PTPDC1: variants seen among roughly 807,000 people sequenced by gnomAD.
PTPDC1 encodes the protein protein tyrosine phosphatase domain containing 1.
Under a neutral mutation model 75.3 loss-of-function variants are expected in PTPDC1, and 53 were observed. The observed-to-expected ratio is 0.70, with a 90% CI of 0.56 to 0.88. PTPDC1 has a LOEUF of 0.88. Among genes scored for constraint, PTPDC1 ranks in the 40% least tolerant of loss-of-function variants. PTPDC1 has a pLI of 0.00. For synonymous variants in PTPDC1, 349 were observed against 366.2 expected (o/e 0.95, Z 0.54); for missense variants, 925 against 998.6 (o/e 0.93, Z 0.99).
At chr9:94,058,059 A>G (rs1825999865) in intron 1 of PTPDC1, among the ~76,000 whole-genome samples, 1 of 152,234 alleles carries the variant, frequency 6.6e-6, no homozygotes, top group Non-Finnish European at 1.5e-5. Flanking sequence ...CCTTTGCACC[A>G]GCTGTCTCCC....
intron 1 of PTPDC1, among the ~76,000 whole-genome samples, chr9:94,057,321 C>T (rs1221517594): frequency 1.3e-5 from 2 of 152,078 alleles, no homozygotes; most frequent in Admixed American, 6.6e-5. Context: ...TGGGCTCAAA[C>T]GATCTGCCCA....
intron 1 of PTPDC1, among the ~76,000 whole-genome samples, chr9:94,041,015 A>G (rs1825413770): frequency 1.3e-5 from 2 of 152,136 alleles, no homozygotes; most frequent in African/African-American, 4.8e-5. Context: ...CTTTCTTTCT[A>G]CCTGATAGTT....
intron 1 of PTPDC1, among the ~76,000 whole-genome samples, chr9:94,046,548 C>A (rs888052378): frequency 1.3e-5 from 2 of 152,046 alleles, no homozygotes; most frequent in South Asian, 4.1e-4. Flanking sequence ...TTCTTCTTGA[C>A]GAGGTCCTTC....
Position 94,098,148 on chromosome 9 carries a change from A to C in PTPDC1, c.1582A>C (p.Ile528Leu). 1 of 1,614,222 alleles carries C rather than the reference A, an allele frequency of 6.2e-7. No homozygotes were observed. The highest frequency in any genetic ancestry group is 8.5e-7 in the Non-Finnish European group (1 of 1,180,038). Residue 528 changes from isoleucine (I) to leucine (L), a missense_variant, in exon 6 of 9, where the codon ATT (isoleucine) becomes CTT (leucine). Transcript: ENST00000620992. ...AGGACTCAAAGATAATGGGTCACCA[A>C]TTTTCCATGGAAGGATCATTCCAAA... is the stretch of plus-strand genomic sequence containing the variant. ...LEGLKDNGSP[I>L]FHGRIIPKEA... is the part of the protein sequence containing the mutation.
Position 94,098,226 on chromosome 9 carries a change from C to T in PTPDC1, c.1660C>T (p.Pro554Ser). ...FSADVSGSHS[P>S]GEPVSPSFAN... ...TGCAGATGTTTCAGGCTCACACAGC[C>T]CTGGGGAGCCAGTTTCACCCAGCTT... Residue 554 changes from proline (P) to serine (S), a missense_variant, in exon 6 of 9, where the codon CCT becomes TCT. Transcript: ENST00000620992. 1 of 1,614,172 alleles carries T rather than the reference C, an allele frequency of 6.2e-7. No individual in the cohort carries two copies. The highest frequency in any genetic ancestry group is 1.3e-5 in the African/African-American group (1 of 75,040).
At chr9:94,056,128 A>G (rs1273935445) in intron 1 of PTPDC1, among the ~76,000 whole-genome samples, 2 of 152,186 alleles carry the variant, frequency 1.3e-5, no homozygotes, top group Non-Finnish European at 2.9e-5. Context: ...TTTAAAAACA[A>G]ATGGGAATAC....
Position 94,098,103 on chromosome 9 carries a change from T to A in PTPDC1, c.1537T>A (p.Ser513Thr), listed in dbSNP as rs570006159. The A allele has an allele frequency of 2.5e-6, 4 of 1,614,138 alleles. No homozygotes were observed. The African/African-American group carries it at 5.3e-5, about 22-fold the overall frequency. The change falls in exon 6 of 9, where the codon TCA (serine) becomes ACA (threonine). Residue 513 changes from serine to threonine, a missense_variant. By Grantham distance (58) the Ser-to-Thr change is moderately conservative. Transcript: ENST00000620992. The stretch of plus-strand genomic sequence containing the variant: ...CAGCACACTTTCTTTCTGGAGTCAG[T>A]CAAAGTTTGGAGGCCTGGAAGGACT... ...VRSTLSFWSQSKFGGLEGLKD... is the reference protein window; with the variant it reads ...VRSTLSFWSQTKFGGLEGLKD...
chr9:94,046,238 G>T (rs1467451743), intron 1 of PTPDC1, among the ~76,000 whole-genome samples: 2 of 152,152 alleles, frequency 1.3e-5, no homozygotes, highest in Non-Finnish European at 2.9e-5. Flanking sequence ...TGCTGTTTTG[G>T]TTACTGTAGC....
chr9:94,087,580 G>A (rs1827121180), intron 2 of PTPDC1, among the ~76,000 whole-genome samples: 2 of 152,154 alleles, frequency 1.3e-5, no homozygotes, highest in African/African-American at 4.8e-5. Context: ...TACATATGGG[G>A]AACAAACTGA....
intron 2 of PTPDC1, 50 bp from the exon 3 acceptor site, chr9:94,087,781 G>A (rs1827129919): frequency 3.0e-6 from 4 of 1,343,144 alleles, no homozygotes; most frequent in Non-Finnish European, 4.3e-6. Context: ...CTTTGGACTG[G>A]AACTTCCTAG....
chr9:94,101,510 CCT>C (rs1339129508), intron 6 of PTPDC1, 54 bp from the exon 7 acceptor site: 3 of 1,375,118 alleles, frequency 2.2e-6, no homozygotes, highest in Non-Finnish European at 2.0e-6. Context: ...GGTGCACCTC[CCT>C]CTCCTCTCCC....
intron 2 of PTPDC1, among the ~76,000 whole-genome samples, chr9:94,074,384 CG>C (rs1030111427): frequency 6.6e-6 from 1 of 152,044 alleles, no homozygotes. Flanking sequence ...GCCTTTGAGT[CG>C]GGGGGATAAG....
At chr9:94,062,351 A>G (rs1432191467) in intron 1 of PTPDC1, among the ~76,000 whole-genome samples, 1 of 152,148 alleles carries the variant, frequency 6.6e-6, no homozygotes, top group Non-Finnish European at 1.5e-5. Flanking sequence ...AGTCTCTAGG[A>G]AGTTCCAAAT....
At chr9:94,074,923 G>C (rs982714859) in intron 2 of PTPDC1, among the ~76,000 whole-genome samples, 6 of 152,336 alleles carry the variant, frequency 3.9e-5, no homozygotes, top group Admixed American at 3.9e-4. Flanking sequence ...GCTTTGTTCA[G>C]TGTCCTTGAT....
At chr9:94,038,296 G>T (rs1825333098) in intron 1 of PTPDC1, 2 of 737,302 alleles carry the variant, frequency 2.7e-6, no homozygotes, top group Non-Finnish European at 4.9e-6. Context: ...TTAAGAAGAA[G>T]GCAGAAAGAA....
intron 2 of PTPDC1, among the ~76,000 whole-genome samples, chr9:94,067,271 T>G (rs1173365689): frequency 6.6e-6 from 1 of 151,820 alleles, no homozygotes; most frequent in Non-Finnish European, 1.5e-5. Context: ...ATGCCTGTAA[T>G]CCCAGCTACT....
intron 2 of PTPDC1, among the ~76,000 whole-genome samples, chr9:94,067,043 T>C (rs1208843543): frequency 1.3e-5 from 2 of 152,122 alleles, no homozygotes; most frequent in African/African-American, 4.8e-5. Context: ...CTCAGTTCCC[T>C]GCATCAGTAT....
At chr9:94,085,557 G>GC in intron 2 of PTPDC1, 135 bp downstream of exon 2, 1 of 881,900 alleles carries the variant, frequency 1.1e-6, no homozygotes, top group Non-Finnish European at 1.7e-6. Flanking sequence ...GTCAGTTCTG[G>GC]CTTTGCCTTA....
At chr9:94,057,445 T>TA (rs5899207) in intron 1 of PTPDC1, among the ~76,000 whole-genome samples, 45,043 of 151,882 alleles carry the variant, frequency 0.3, 6,976 homozygotes, top group Admixed American at 0.39. Flanking sequence ...CAAATTCTTA[T>TA]AAAGATGGGA....
Sources: allele counts gnomAD v4.1 joint callset (sites outside exome capture counted in the v4.1 genomes callset), GRCh38; gene constraint gnomAD v4.1.1; transcripts MANE v1.5; gene names NCBI Gene and HGNC (gene_info 2026-07-23, HGNC 2026-07-21).